Variants in MAMLD1 observed in about 807,000 individuals in gnomAD.
The protein encoded by MAMLD1 is mastermind-like domain-containing protein 1.
MAMLD1 carries 14 observed loss-of-function variants against 45.0 expected under a neutral mutation model. The ratio of observed to expected loss-of-function variants is 0.31; its 90% CI spans 0.21 to 0.49. MAMLD1 has a LOEUF of 0.49. MAMLD1 is among the 20% of genes least tolerant of loss of function. The pLI is 0.99. For synonymous variants in MAMLD1, 254 were observed against 247.8 expected (o/e 1.02, Z -0.24); for missense variants, 543 against 603.6 (o/e 0.90, Z 1.05).
At chrX:150,421,189 A>T (rs1270423466) in intron 1 of MAMLD1, 1 of 113,404 alleles carries the variant, frequency 8.8e-6, no homozygotes, top group Admixed American at 9.3e-5. Context: ...GGTGGGAGTG[A>T]CCCGATTTTC....
intron 1 of MAMLD1, among the ~76,000 whole-genome samples, chrX:150,375,036 G>T (rs954798236): frequency 1.8e-5 from 2 of 110,436 alleles, no homozygotes; most frequent in Non-Finnish European, 3.8e-5. Context: ...GCTGGTGTGT[G>T]GGGGGTCTGC....
chrX:150,422,324 T>C (rs1427491959), intron 1 of MAMLD1, among the ~76,000 whole-genome samples: 1 of 112,493 alleles, frequency 8.9e-6, no homozygotes. Context: ...ATCTGACTTC[T>C]AGAGTCATCT....
At chrX:150,368,392 A>C (rs1437793629) in intron 1 of MAMLD1, among the ~76,000 whole-genome samples, 3 of 105,971 alleles carry the variant, frequency 2.8e-5, no homozygotes, top group Non-Finnish European at 3.8e-5. Flanking sequence ...CCTTCGCCCA[A>C]TTTTTGATGG....
chrX:150,378,007 C>G (rs1328977511), intron 1 of MAMLD1, among the ~76,000 whole-genome samples: 1 of 112,247 alleles, frequency 8.9e-6, no homozygotes, highest in African/African-American at 3.2e-5. Context: ...TGGTACTAAT[C>G]TATCTAAAGA....
intron 1 of MAMLD1, among the ~76,000 whole-genome samples, chrX:150,412,950 C>A (rs782200641): frequency 9.0e-6 from 1 of 110,730 alleles, no homozygotes; most frequent in Non-Finnish European, 1.9e-5. Context: ...GTCTTGGAAC[C>A]CTTGGGCTCA....
intron 1 of MAMLD1, among the ~76,000 whole-genome samples, chrX:150,369,425 G>C (rs1180736838): frequency 8.9e-6 from 1 of 112,759 alleles, no homozygotes; most frequent in African/African-American, 3.2e-5. Context: ...TAATAAAAAG[G>C]GGCTGATATT....
At chrX:150,437,079 G>T (rs1304931698) in intron 1 of MAMLD1, among the ~76,000 whole-genome samples, 4 of 111,044 alleles carry the variant, frequency 3.6e-5, no homozygotes, top group African/African-American at 9.8e-5. Flanking sequence ...GCCCTTCAAG[G>T]TTAGAAACCT....
chrX:150,490,112 G>A, intron 5 of MAMLD1, among the ~76,000 whole-genome samples: 1 of 111,742 alleles, frequency 8.9e-6, no homozygotes, highest in East Asian at 2.9e-4. Flanking sequence ...ATCTAAGGGG[G>A]AGGCTGCTGG....
intron 1 of MAMLD1, among the ~76,000 whole-genome samples, chrX:150,442,193 G>A (rs188908029): frequency 2.7e-5 from 3 of 110,802 alleles, no homozygotes; most frequent in African/African-American, 9.8e-5. Flanking sequence ...TCTGAGGTGA[G>A]CATCTTGCAA....
chrX:150,495,268 C>T (rs1022237107), intron 5 of MAMLD1, among the ~76,000 whole-genome samples: 7 of 112,017 alleles, frequency 6.2e-5, no homozygotes, highest in Non-Finnish European at 1.1e-4. Flanking sequence ...GTGGAAGACA[C>T]AATCTAAGCA....
At chrX:150,446,380 G>A (rs1453261311) in intron 2 of MAMLD1, among the ~76,000 whole-genome samples, 1 of 111,269 alleles carries the variant, frequency 9.0e-6, no homozygotes, top group African/African-American at 3.3e-5. Flanking sequence ...GCCGTGGGTC[G>A]GCTTCCTTCC....
intron 1 of MAMLD1, among the ~76,000 whole-genome samples, chrX:150,429,274 G>T (rs2034830354): frequency 9.0e-6 from 1 of 110,781 alleles, no homozygotes; most frequent in Non-Finnish European, 1.9e-5. Flanking sequence ...AAGCACCCAA[G>T]AAATATTTGG....
rs781956410 is a variant in MAMLD1, at chrX:150,429,722, G to A, written c.-63-15732G>A. ...AGGAGTACAGTTGCTGAGTCATATG[G>A]AAGTTGCATGTTGAGTTGTGTAAGA... On this transcript the variant is annotated intron_variant, in intron 1 of 7. Coordinates refer to ENST00000370401, the MANE Select transcript of MAMLD1 (RefSeq NM_005491.5). 2.7e-5 allele frequency among the ~76,000 whole-genome samples: 3 copies of A among 111,101 alleles called. No individual in the cohort carries two copies. The East Asian group carries it at 8.5e-4, about 31-fold the overall frequency.
intron 1 of MAMLD1, among the ~76,000 whole-genome samples, chrX:150,438,199 T>C (rs1380592861): frequency 8.9e-6 from 1 of 112,303 alleles, no homozygotes; most frequent in African/African-American, 3.2e-5. Flanking sequence ...TCCTCTGGGA[T>C]AAATGCCCAG....
At position 150,401,573 on chromosome X, in the gene MAMLD1, T is replaced by C. The variant is rs2033767085; in HGVS notation, c.-64+38043T>C. 2.8e-5 allele frequency among the ~76,000 whole-genome samples: 3 copies of C among 108,598 alleles called. No homozygotes were observed. In the South Asian group the frequency reaches 1.2e-3, roughly 44 times the overall value. 94.3% of individuals were successfully genotyped at this position (108,598 alleles called of 115,157 possible). A position where few individuals can be genotyped will look rare whatever the true frequency, so the allele number is the denominator to read the frequency against. The stretch of plus-strand genomic sequence containing the variant: ...TTCACAGAATTGGAAAAAACTACTT[T>C]AAAGTTCATATGGAACCAAAAAAGA... On this transcript the variant is annotated intron_variant, in intron 1 of 7. Coordinates refer to ENST00000370401, the MANE Select transcript of MAMLD1 (RefSeq NM_005491.5).
intron 6 of MAMLD1, chrX:150,503,974 G>A: frequency 1.5e-6 from 1 of 682,051 alleles, no homozygotes; most frequent in African/African-American, 2.4e-5. Flanking sequence ...GGGTGCTCGG[G>A]AACTGCCTCT....
intron 1 of MAMLD1, among the ~76,000 whole-genome samples, chrX:150,424,430 A>G (rs1557403723): frequency 8.9e-6 from 1 of 112,293 alleles, no homozygotes; most frequent in Non-Finnish European, 1.9e-5. Flanking sequence ...AGCAATGTCA[A>G]AAGTAGGATC....
At chrX:150,368,187 G>C (rs1168885367) in intron 1 of MAMLD1, among the ~76,000 whole-genome samples, 11 of 108,619 alleles carry the variant, frequency 1.0e-4, no homozygotes, top group Non-Finnish European at 1.4e-4. Context: ...CAGTGTAAAA[G>C]TGTTCCTATT....
At chrX:150,367,909 G>A (rs1238865159) in intron 1 of MAMLD1, among the ~76,000 whole-genome samples, 53 of 111,412 alleles carry the variant, frequency 4.8e-4, no homozygotes, top group African/African-American at 1.5e-3. Flanking sequence ...TTATGGCTGC[G>A]TAGTATTCCA....
Sources: gnomAD v4.1 joint callset for allele counts (sites outside exome capture counted in the v4.1 genomes callset) on GRCh38, gnomAD v4.1.1 for gene constraint, MANE v1.5 for transcripts, NCBI Gene and HGNC (gene_info 2026-07-23, HGNC 2026-07-21) for gene names.